Variants in RASL10A observed in about 807,000 individuals in gnomAD.
RASL10A encodes RAS like family 10 member A, also known as ras-like protein family member 10A.
In RASL10A, 13 loss-of-function variants were observed where a neutral mutation model predicts 17.3. The ratio of observed to expected loss-of-function variants is 0.75; its 90% confidence interval spans 0.49 to 1.20. The LOEUF (loss-of-function observed/expected upper bound fraction) is 1.20, where lower values mean the gene tolerates loss of function less well. RASL10A is among the 50% of genes most tolerant of loss of function. RASL10A has a pLI of 0.00. For missense variants in RASL10A, 307 were observed against 310.3 expected (o/e 0.99, Z 0.08); for synonymous variants, 159 against 142.2 (o/e 1.12, Z -0.84).
chr22:29,315,975 A>T (rs2061452052), upstream of RASL10A, among the ~76,000 whole-genome samples: 1 of 152,146 alleles, frequency 6.6e-6, no homozygotes, highest in Non-Finnish European at 1.5e-5. This position sits in a 1 kb window ranked among gnomAD's most constrained non-coding sequence, Gnocchi z 5.5. Flanking sequence ...GCTCCCGACA[A>T]GCCCCGGCCC....
chr22:29,314,682 G>C (rs1251937243), intron 1 of RASL10A, among the ~76,000 whole-genome samples: 2 of 151,990 alleles, frequency 1.3e-5, no homozygotes, highest in Non-Finnish European at 2.9e-5. Context: ...CTCTCCCATT[G>C]TAGCTCTGCT....
chr22:29,313,398 C>CG lies in RASL10A; in HGVS notation c.514dup (p.Arg172ProfsTer89). The CG allele has an allele frequency of 6.5e-7, 1 of 1,542,524 alleles. No individual in the cohort carries two copies. Among genetic ancestry groups the CG allele is most frequent in the Non-Finnish European group, 8.7e-7 (1 of 1,146,408 alleles). ...CACCAGAGCGCAGCGCAGCAGCTCGCGGAAGAGACGCAGCACGTGCCAGTT... is the reference window on the plus strand; with the variant it reads ...CACCAGAGCGCAGCGCAGCAGCTCGCGGGAAGAGACGCAGCACGTGCCAGTT... On this transcript the variant is annotated frameshift_variant, in exon 3 of 3. Transcript: ENST00000216101. LOFTEE classifies it high-confidence loss of function.
At chr22:29,316,360 G>A (rs561865300), upstream of RASL10A, among the ~76,000 whole-genome samples, 175 of 152,324 alleles carry the variant, frequency 1.1e-3, no homozygotes, top group Non-Finnish European at 2.0e-3. Flanking sequence ...AGTGGGGACA[G>A]AGGGTGCCGA....
At chr22:29,314,971 C>G in intron 1 of RASL10A, 57 bp downstream of exon 1, 1 of 1,335,562 alleles carries the variant, frequency 7.5e-7, no homozygotes, top group Non-Finnish European at 9.8e-7. Flanking sequence ...ACGTGTGCAC[C>G]GAGCACGCAC....
chr22:29,313,864 T>C lies in RASL10A; in HGVS notation c.343A>G (p.Arg115Gly). The C allele has an allele frequency of 6.2e-7, 1 of 1,613,274 alleles. No individual in the cohort carries two copies. Among genetic ancestry groups the C allele is most frequent in the South Asian group, 1.1e-5 (1 of 91,084 alleles). Residue 115 changes from arginine (R) to glycine (G), a missense_variant and splice_region_variant, in exon 2 of 3, where the codon AGG becomes GGG. Arg to Gly is a moderately radical substitution (Grantham distance 125). Coordinates refer to ENST00000216101, the MANE Select transcript of RASL10A (RefSeq NM_006477.5). ...CCGCCAGAACTGCCGGGCCCCTACC[T>C]GGTCTCCGCGATGCGCTGCCGCAGG... ...KALRQRIAET[R>G]PAGAPEAPIL...
At position 29,313,504 on chromosome 22, in the gene RASL10A, G is replaced by T; in HGVS notation, c.409C>A (p.Arg137Ser). 6.4e-7 allele frequency: 1 copy of T among 1,569,032 alleles called. No individual in the cohort carries two copies. The highest frequency in any genetic ancestry group is 8.6e-7 in the Non-Finnish European group (1 of 1,165,506). The change falls in exon 3 of 3, where the codon CGC (arginine) becomes AGC (serine). Residue 137 changes from arginine to serine, a missense_variant. Physicochemically the swap from Arg to Ser is moderately radical, Grantham distance 110. Transcript: ENST00000216101. ...VGNKRDRQRL[R>S]FGPRRALAAL... ...GCCAGCGCGCGCCGCGGTCCGAAGC[G>T]CAGCCGCTGCCTGTCCCGCTTGTTG...
At chr22:29,319,306 C>T (rs2061466025), upstream of RASL10A, 1 of 152,360 alleles carries the variant, frequency 6.6e-6, no homozygotes, top group African/African-American at 2.4e-5. Context: ...ACCAGTAACT[C>T]ACCTCCTGGA....
chr22:29,313,300 G>A lies in RASL10A; in HGVS notation c.*1C>T. 6.6e-7 allele frequency: 1 copy of A among 1,510,606 alleles called. No individual in the cohort carries two copies. The highest frequency in any genetic ancestry group is 8.9e-7 in the Non-Finnish European group (1 of 1,127,908). 93.6% of individuals were successfully genotyped at this position (1,510,606 alleles called of 1,614,324 possible). Reference sequence around the variant, plus strand: ...CCCATGGATGGCACTGTCCGATCGGGTCACATGAGGCTGCAGCGCGCGGGA... The same window carrying A: ...CCCATGGATGGCACTGTCCGATCGGATCACATGAGGCTGCAGCGCGCGGGA... On this transcript the variant is annotated 3_prime_UTR_variant, in exon 3 of 3. Coordinates refer to ENST00000216101, the MANE Select transcript of RASL10A (RefSeq NM_006477.5).
intron 2 of RASL10A, 34 bp from the exon 3 acceptor site, chr22:29,313,602 C>A: frequency 6.7e-7 from 1 of 1,498,942 alleles, no homozygotes; most frequent in East Asian, 2.3e-5. Context: ...GACGCGGGGA[C>A]CCCACGGCCG....
At chr22:29,316,464 A>G (rs1264903522), upstream of RASL10A, among the ~76,000 whole-genome samples, 1 of 152,168 alleles carries the variant, frequency 6.6e-6, no homozygotes, top group Non-Finnish European at 1.5e-5. Context: ...CTCCATCACT[A>G]CTAAGGTCAC....
In RASL10A at chr22:29,315,241, C is replaced by G; in HGVS notation, c.6G>C (p.Gly2=). The G allele has an allele frequency of 6.8e-7, 1 of 1,479,382 alleles. No homozygotes were observed. Among genetic ancestry groups the G allele is most frequent in the Non-Finnish European group, 8.9e-7 (1 of 1,124,628 alleles). 91.6% of individuals were successfully genotyped at this position (1,479,382 alleles called of 1,614,324 possible). ...CTAGAACGGCCACCCGCAGGCTACC[C>G]CCCATGGCCGGCCGGCGCTGTCGCT... M[G]GSLRVAVLGA... is the part of the protein sequence containing the mutation. The change falls in exon 1 of 3, where the codon GGG becomes GGC. Residue 2 remains glycine (G), a synonymous_variant. Transcript: ENST00000216101. The surrounding 1 kb of genome is among the most constrained non-coding windows in gnomAD (Gnocchi z 5.5).
upstream of RASL10A, among the ~76,000 whole-genome samples, chr22:29,316,184 C>T (rs1210444931): frequency 4.6e-5 from 7 of 152,334 alleles, no homozygotes; most frequent in South Asian, 6.2e-4. Context: ...AGCCTGGCAT[C>T]GCTGGTTGAG....
chr22:29,313,963 T>A lies in RASL10A; in HGVS notation c.244A>T (p.Ser82Cys), dbSNP rs746980526. 6.2e-7 allele frequency: 1 copy of A among 1,613,750 alleles called. No individual in the cohort carries two copies. The highest frequency in any genetic ancestry group is 2.2e-5 in the East Asian group (1 of 44,866). The stretch of plus-strand genomic sequence containing the variant: ...ACGAAGGCGTCCGTGTCCTGCAAGC[T>A]CCAGTCCTTAGCGTCTGGCCACTCC... The part of the protein sequence containing the change: ...PEEWPDAKDW[S>C]LQDTDAFVLV... The change falls in exon 2 of 3, where the codon AGC (serine) becomes TGC (cysteine). Residue 82 changes from serine (S) to cysteine (C), a missense_variant. Ser to Cys is a moderately radical substitution (Grantham distance 112). Transcript: ENST00000216101.
At position 29,313,678 on chromosome 22, in the gene RASL10A, C is replaced by CG. The variant is rs1305293227; in HGVS notation, c.345-111_345-110insC. On this transcript the variant is annotated intron_variant, in intron 2 of 2. Transcript: ENST00000216101. The stretch of plus-strand genomic sequence containing the variant: ...CTTCCTACGGCCAGAGACACCGCCC[C>CG]CCCCGCCGCCCCAACGAAACCCCAG... 30 of 1,414,724 alleles carry CG rather than the reference C, an allele frequency of 2.1e-5. No individual in the cohort carries two copies. The South Asian group carries it at 2.5e-4, about 12-fold the overall frequency. The allele number at this position is 1,414,724 out of a possible 1,614,324, so 87.6% of individuals were successfully genotyped here.
At chr22:29,315,777 C>G (rs1327608097), upstream of RASL10A, 1 of 152,158 alleles carries the variant, frequency 6.6e-6, no homozygotes, top group Non-Finnish European at 1.5e-5. The surrounding 1 kb of genome is among the most constrained non-coding windows in gnomAD (Gnocchi z 5.5). Flanking sequence ...CCCACCTTCC[C>G]CCACCGCCCA....
chr22:29,313,451 G>A lies in RASL10A; in HGVS notation c.462C>T (p.Cys154=), dbSNP rs1490877345. The change falls in exon 3 of 3, where the codon TGC becomes TGT. Residue 154 remains cysteine, a synonymous_variant. Transcript: ENST00000216101. Reference sequence around the variant, plus strand: ...ACTTGGCGGAGCACTCGAGGTAGCCGCAGCGCCAGCCCCTGCGCACTAGGG... The same window carrying A: ...ACTTGGCGGAGCACTCGAGGTAGCCACAGCGCCAGCCCCTGCGCACTAGGG... ...LAALVRRGWR[C]GYLECSAKYN... 6.5e-7 allele frequency: 1 copy of A among 1,542,348 alleles called. No individual in the cohort carries two copies. The highest frequency in any genetic ancestry group is 2.4e-5 in the East Asian group (1 of 41,038).
At chr22:29,316,015 G>C (rs930306308), upstream of RASL10A, among the ~76,000 whole-genome samples, 3 of 151,516 alleles carry the variant, frequency 2.0e-5, no homozygotes, top group Non-Finnish European at 4.4e-5. Context: ...GGTCCGAATT[G>C]GGGGGGGCGG....
intron 1 of RASL10A, among the ~76,000 whole-genome samples, chr22:29,314,605 G>C (rs2061441725): frequency 6.6e-6 from 1 of 152,120 alleles, no homozygotes; most frequent in South Asian, 2.1e-4. Context: ...GGACAAAAAT[G>C]ATAGGGCAGA....
At chr22:29,314,637 C>A (rs944067374) in intron 1 of RASL10A, among the ~76,000 whole-genome samples, 66 of 152,144 alleles carry the variant, frequency 4.3e-4, no homozygotes, top group African/African-American at 1.5e-3. Context: ...TCCACCAGCC[C>A]CCGTAGAAAG....
Sources: allele counts gnomAD v4.1 joint callset (sites outside exome capture counted in the v4.1 genomes callset), GRCh38; gene constraint gnomAD v4.1.1; non-coding constraint Gnocchi (gnomAD v3.1); transcripts MANE v1.5; gene names NCBI Gene and HGNC (gene_info 2026-07-23, HGNC 2026-07-21).